Variants in TBL1X observed in about 807,000 individuals in gnomAD.
The protein encoded by TBL1X is F-box-like/WD repeat-containing protein TBL1X.
Under a neutral mutation model 50.7 loss-of-function variants are expected in TBL1X, and 10 were observed. The observed-to-expected ratio is 0.20, with a 90% CI of 0.12 to 0.33. The LOEUF is 0.33. TBL1X is among the 10% of genes least tolerant of loss of function. The pLI is 1.00. For synonymous variants in TBL1X, 190 were observed against 214.7 expected, an observed-to-expected ratio of 0.88 and a Z score of 1.01; for missense variants, 340 against 504.4, an observed-to-expected ratio of 0.67 and a Z score of 3.12.
intron 1 of TBL1X, among the ~76,000 whole-genome samples, chrX:9,487,940 A>G (rs2081922110): frequency 9.0e-6 from 1 of 111,454 alleles, no homozygotes; most frequent in South Asian, 3.8e-4. Context: ...CAAAGTCACA[A>G]CCCTGACTGA....
At chrX:9,660,212 G>T (rs1395459423) in intron 5 of TBL1X, among the ~76,000 whole-genome samples, 1 of 112,518 alleles carries the variant, frequency 8.9e-6, no homozygotes, top group East Asian at 2.8e-4. Context: ...ACCCAGCGAA[G>T]TATTTCCCTA....
Position 9,505,361 on chromosome X carries a change from C to T in TBL1X, c.-131+3512C>T, listed in dbSNP as rs139234525. On this transcript the variant is annotated intron_variant, in intron 2 of 17. Transcript: ENST00000645353. ...CAAAAACACATGAAAATATAAAGAC[C>T]AATGACACTACAAAGAAACTGCATC... Among the ~76,000 whole-genome samples the T allele has an allele frequency of 5.4e-3, 602 of 111,745 alleles. 4 individuals carry two copies. The highest frequency in any genetic ancestry group is 0.019 in the African/African-American group (580 of 30,790).
At chrX:9,482,347 G>A (rs1173412967) in intron 1 of TBL1X, among the ~76,000 whole-genome samples, 1 of 111,419 alleles carries the variant, frequency 9.0e-6, no homozygotes, top group African/African-American at 3.3e-5. Context: ...TTTTTTCCGT[G>A]TCTATGGAAA....
At chrX:9,656,866 A>G (rs371203332) in intron 5 of TBL1X, among the ~76,000 whole-genome samples, 13 of 112,230 alleles carry the variant, frequency 1.2e-4, no homozygotes, top group African/African-American at 3.9e-4. Flanking sequence ...GGTTAGGTCA[A>G]TAGTCATTGA....
At chrX:9,626,116 G>A (rs982639402) in intron 2 of TBL1X, among the ~76,000 whole-genome samples, 1 of 111,391 alleles carries the variant, frequency 9.0e-6, no homozygotes, top group Non-Finnish European at 1.9e-5. Flanking sequence ...TGTTAGGGAA[G>A]ACTAAACTCA....
At chrX:9,701,457 C>T (rs1323872826) in intron 12 of TBL1X, among the ~76,000 whole-genome samples, 1 of 107,711 alleles carries the variant, frequency 9.3e-6, no homozygotes, top group Non-Finnish European at 1.9e-5. Context: ...ACGGGGGAGC[C>T]TCTCTTTAGA....
intron 11 of TBL1X, among the ~76,000 whole-genome samples, chrX:9,694,177 G>A (rs2083116440): frequency 9.3e-6 from 1 of 107,093 alleles, no homozygotes; most frequent in African/African-American, 3.4e-5. Context: ...GTGCGTTCCC[G>A]AGACTCAGCA....
At chrX:9,467,353 C>T (rs1392107259) in intron 1 of TBL1X, among the ~76,000 whole-genome samples, 2 of 111,871 alleles carry the variant, frequency 1.8e-5, no homozygotes, top group African/African-American at 6.5e-5. Context: ...CAGTTTTCTG[C>T]AGGGCGTCCA....
At chrX:9,611,886 G>A (rs2082615646) in intron 2 of TBL1X, among the ~76,000 whole-genome samples, 1 of 112,261 alleles carries the variant, frequency 8.9e-6, no homozygotes, top group Admixed American at 9.4e-5. Flanking sequence ...TGGATGCTCT[G>A]TGGGGAGCCC....
intron 2 of TBL1X, among the ~76,000 whole-genome samples, chrX:9,590,989 G>C (rs752301559): frequency 1.0e-5 from 1 of 100,065 alleles, no homozygotes; most frequent in Non-Finnish European, 2.0e-5. Flanking sequence ...GTGTATGTGT[G>C]GGGGGGATAG....
At chrX:9,529,935 C>T (rs1198349927) in intron 2 of TBL1X, among the ~76,000 whole-genome samples, 1 of 110,210 alleles carries the variant, frequency 9.1e-6, no homozygotes, top group Non-Finnish European at 1.9e-5. Context: ...GACCCTGTCT[C>T]AAAGAAAGAA....
chrX:9,590,566 TATC>T (rs1256688873), intron 2 of TBL1X, among the ~76,000 whole-genome samples: 1 of 112,251 alleles, frequency 8.9e-6, no homozygotes, highest in Non-Finnish European at 1.9e-5. Flanking sequence ...TTGAACAAAA[TATC>T]ATGAAGTCAG....
At chrX:9,465,052 G>A (rs944708001), upstream of TBL1X, 1 of 109,321 alleles carries the variant, frequency 9.1e-6, no homozygotes, top group African/African-American at 3.3e-5. Context: ...CCTGGCTGGG[G>A]TCCGCGCGCT....
At position 9,665,488 on chromosome X, in the gene TBL1X, GCT is replaced by G. The variant is rs1491348996; in HGVS notation, c.211+11167_211+11168del. 4.6e-4 allele frequency among the ~76,000 whole-genome samples: 7 copies of G among 15,058 alleles called. 1 individual carries two copies. In the East Asian group the frequency reaches 0.012, roughly 25 times the overall value. The allele number at this position is 15,058 out of a possible 115,157, so 13.1% of individuals were successfully genotyped here. On this transcript the variant is annotated intron_variant, in intron 5 of 17. Coordinates refer to ENST00000645353, the MANE Select transcript of TBL1X (RefSeq NM_005647.4). ...AACTTAATTAAAAACTGATATTCAA[GCT>G]ATATATATATATATATATATATATA...
At chrX:9,661,922 A>G (rs1182503719) in intron 5 of TBL1X, among the ~76,000 whole-genome samples, 1 of 111,253 alleles carries the variant, frequency 9.0e-6, no homozygotes, top group Non-Finnish European at 1.9e-5. Flanking sequence ...CCTGATGCTG[A>G]GGGATGGGTT....
chrX:9,473,401 G>C (rs1031590252), intron 1 of TBL1X, among the ~76,000 whole-genome samples: 7 of 111,874 alleles, frequency 6.3e-5, no homozygotes, highest in African/African-American at 2.3e-4. Flanking sequence ...CTTGAAAACA[G>C]CAATTGCCAA....
Position 9,492,838 on chromosome X carries a change from G to GGT in TBL1X, c.-200-8883_-200-8882dup, listed in dbSNP as rs774050435. Among the ~76,000 whole-genome samples the GGT allele has an allele frequency of 9.6e-3, 546 of 56,962 alleles. 10 individuals are homozygous for GGT. The highest frequency in any genetic ancestry group is 0.013 in the Non-Finnish European group (372 of 28,923). 49.5% of individuals were successfully genotyped at this position (56,962 alleles called of 115,157 possible). ...AATATTGTTGAGATTGGGGCTAGAG[G>GGT]GTGTGTGTGTGTGTGTGTGTGTGTG... On this transcript the variant is annotated intron_variant, in intron 1 of 17. Coordinates refer to ENST00000645353, the MANE Select transcript of TBL1X (RefSeq NM_005647.4).
intron 2 of TBL1X, among the ~76,000 whole-genome samples, chrX:9,603,402 A>C (rs1601788062): frequency 8.9e-6 from 1 of 112,848 alleles, no homozygotes; most frequent in Non-Finnish European, 1.9e-5. Flanking sequence ...GTGTATATTT[A>C]GCAGTTGCAT....
At chrX:9,648,763 A>T (rs974303668) in intron 3 of TBL1X, among the ~76,000 whole-genome samples, 18 of 112,414 alleles carry the variant, frequency 1.6e-4, no homozygotes, top group Non-Finnish European at 3.0e-4. Context: ...GTTCTGCTAC[A>T]CTACGAATAC....
Sources: allele counts gnomAD v4.1 joint callset (sites outside exome capture counted in the v4.1 genomes callset), GRCh38; gene constraint gnomAD v4.1.1; transcripts MANE v1.5; gene names NCBI Gene and HGNC (gene_info 2026-07-23, HGNC 2026-07-21).